The following DRC9 variants were observed in gnomAD, a reference collection of about 807,000 sequenced individuals.
DRC9 encodes dynein regulatory complex protein 9.
the DRC9 span, chr3:197,950,328 G>A: frequency 6.5e-6 from 8 of 1,227,688 alleles, no homozygotes; most frequent in Non-Finnish European, 8.1e-6. Context: ...GCCAGCCATT[G>A]ATTTCTACGG....
At chr3:197,918,617 A>G in the DRC9 span, among the ~76,000 whole-genome samples, 3 of 152,208 alleles carry the variant, frequency 2.0e-5, no homozygotes, top group Non-Finnish European at 2.9e-5. Context: ...AGTGTTAGAC[A>G]GGGATTTATT....
At chr3:197,901,086 C>G in the DRC9 span, among the ~76,000 whole-genome samples, 1 of 152,194 alleles carries the variant, frequency 6.6e-6, no homozygotes. This position sits in a 1 kb window ranked among gnomAD's most constrained non-coding sequence, Gnocchi z 4.4. Flanking sequence ...CTAGGTACCA[C>G]CTCAACTATA....
the DRC9 span, among the ~76,000 whole-genome samples, chr3:197,952,946 G>A: frequency 2.7e-4 from 41 of 151,292 alleles, no homozygotes; most frequent in Middle Eastern, 3.4e-3. Context: ...GATTACAGGC[G>A]CGCACCACCA....
the DRC9 span, among the ~76,000 whole-genome samples, chr3:197,927,981 G>T: frequency 7.9e-5 from 12 of 152,014 alleles, no homozygotes; most frequent in African/African-American, 2.9e-4. Context: ...GGGGGAGGGA[G>T]AGCATTAGGA....
At chr3:197,941,178 C>T in the DRC9 span, among the ~76,000 whole-genome samples, 5 of 137,104 alleles carry the variant, frequency 3.6e-5, no homozygotes, top group Admixed American at 1.4e-4. Context: ...TCTCCTCTCT[C>T]TCTCCCCTCT....
At chr3:197,893,949 A>G in the DRC9 span, among the ~76,000 whole-genome samples, 3 of 152,238 alleles carry the variant, frequency 2.0e-5, no homozygotes, top group Admixed American at 6.5e-5. Context: ...ACTATACTCA[A>G]TATTTCTGAG....
At chr3:197,889,671 C>A in the DRC9 span, 1 of 1,614,090 alleles carries the variant, frequency 6.2e-7, no homozygotes, top group Non-Finnish European at 8.5e-7. Context: ...CTTGAAACCA[C>A]CAATTTCTCT....
At chr3:197,954,478 C>T in the DRC9 span, 8 of 376,794 alleles carry the variant, frequency 2.1e-5, no homozygotes, top group South Asian at 4.7e-5. Context: ...GGACCATAGG[C>T]GTGTGCCACC....
the DRC9 span, among the ~76,000 whole-genome samples, chr3:197,896,855 G>GTAC: frequency 6.6e-6 from 1 of 152,132 alleles, no homozygotes; most frequent in Non-Finnish European, 1.5e-5. Flanking sequence ...TGAGCCCACT[G>GTAC]TACTACCCTC....
At chr3:197,949,407 C>T in the DRC9 span, 1 of 152,224 alleles carries the variant, frequency 6.6e-6, no homozygotes. Flanking sequence ...ACGAGTTCTC[C>T]TAAAAGGGCG....
At chr3:197,943,921 G>C in the DRC9 span, 1 of 1,614,066 alleles carries the variant, frequency 6.2e-7, no homozygotes, top group South Asian at 1.1e-5. Flanking sequence ...GGGATTTCTG[G>C]GATGATTTCT....
At chr3:197,938,988 T>G in the DRC9 span, 1 of 564,070 alleles carries the variant, frequency 1.8e-6, no homozygotes, top group South Asian at 2.1e-5. Context: ...TTCCCCAACT[T>G]ACCACCTGGT....
At chr3:197,946,165 G>A in the DRC9 span, among the ~76,000 whole-genome samples, 2 of 152,176 alleles carry the variant, frequency 1.3e-5, no homozygotes, top group Non-Finnish European at 2.9e-5. Flanking sequence ...GCCGGGCGCG[G>A]GGGCTCACGC....
At chr3:197,910,994 A>G in the DRC9 span, among the ~76,000 whole-genome samples, 1 of 151,790 alleles carries the variant, frequency 6.6e-6, no homozygotes, top group Non-Finnish European at 1.5e-5. Flanking sequence ...AAAAAAAAAA[A>G]AAAAAGAAAG....
the DRC9 span, among the ~76,000 whole-genome samples, chr3:197,954,714 C>T: frequency 2.0e-5 from 3 of 152,096 alleles, no homozygotes; most frequent in East Asian, 5.8e-4. Flanking sequence ...CTCCATGTTG[C>T]CCAGGCTGGT....
the DRC9 span, among the ~76,000 whole-genome samples, chr3:197,932,841 T>TTATATATATAATATACATTATA: frequency 1.1e-5 from 1 of 92,584 alleles, no homozygotes; most frequent in African/African-American, 5.9e-5. Flanking sequence ...TATATATGTA[T>TTATATATATAATATACATTATA]TATATATAAT....
At chr3:197,960,020 A>C in the DRC9 span, 3 of 578,628 alleles carry the variant, frequency 5.2e-6, no homozygotes, top group Non-Finnish European at 9.2e-6. Context: ...AGCCCCACTC[A>C]CGTGGGCCTC....
At chr3:197,897,967 G>C in the DRC9 span, among the ~76,000 whole-genome samples, 7 of 140,684 alleles carry the variant, frequency 5.0e-5, no homozygotes, top group Non-Finnish European at 1.1e-4. Context: ...ATTTTTAGTA[G>C]AGACGAGCTT....
the DRC9 span, among the ~76,000 whole-genome samples, chr3:197,912,116 C>T: frequency 3.3e-5 from 5 of 152,050 alleles, no homozygotes; most frequent in Non-Finnish European, 7.4e-5. Context: ...TCTCAGCTCA[C>T]TGCATCCTCT....
Sources: allele counts gnomAD v4.1 joint callset (sites outside exome capture counted in the v4.1 genomes callset), GRCh38; gene constraint gnomAD v4.1.1; non-coding constraint Gnocchi (gnomAD v3.1); transcripts MANE v1.5; gene names NCBI Gene and HGNC (gene_info 2026-07-23, HGNC 2026-07-21).